Variants in SETD3 observed in about 807,000 individuals in gnomAD.
SETD3 encodes SET domain containing 3, actin N3(tau)-histidine methyltransferase, also known as actin-histidine N-methyltransferase.
A neutral mutation model predicts 63.0 loss-of-function variants in SETD3; 19 were observed. The observed-to-expected ratio is 0.30, with a 90% confidence interval of 0.21 to 0.44. The LOEUF is 0.44. Ranked by LOEUF, SETD3 falls within the 20% of genes least tolerant of loss-of-function variation. The pLI, the probability that SETD3 is intolerant of heterozygous loss-of-function variation, is 1.00. For missense variants in SETD3, 587 were observed against 728.5 expected (o/e 0.81, Z 2.24); for synonymous variants, 286 against 264.1 (o/e 1.08, Z -0.80).
At chr14:99,441,504 G>A (rs1318376055) in intron 6 of SETD3, among the ~76,000 whole-genome samples, 1 of 152,232 alleles carries the variant, frequency 6.6e-6, no homozygotes, top group African/African-American at 2.4e-5. Flanking sequence ...AAACACAAAA[G>A]CAATCACAGG....
At chr14:99,475,186 T>C (rs1455529676) in intron 1 of SETD3, among the ~76,000 whole-genome samples, 1 of 152,210 alleles carries the variant, frequency 6.6e-6, no homozygotes, top group African/African-American at 2.4e-5. Flanking sequence ...TTCCTTAACA[T>C]GAGGATTCTG....
chr14:99,412,720 A>G (rs545591091), intron 8 of SETD3: 41 of 427,110 alleles, frequency 9.6e-5, no homozygotes, highest in African/African-American at 7.1e-4. Context: ...GCTTTTGAAA[A>G]TGGTATAAGA....
chr14:99,441,329 G>A (rs375597535), intron 6 of SETD3, among the ~76,000 whole-genome samples: 5 of 152,208 alleles, frequency 3.3e-5, no homozygotes, highest in East Asian at 1.9e-4. Context: ...CTGGCCACAC[G>A]TGACTTACAC....
At chr14:99,471,943 T>C (rs905861204) in intron 1 of SETD3, among the ~76,000 whole-genome samples, 7 of 152,126 alleles carry the variant, frequency 4.6e-5, no homozygotes, top group Non-Finnish European at 8.8e-5. Context: ...CCACAGCCAG[T>C]TGTCAGGAGG....
chr14:99,414,215 C>T (rs1019660256), intron 6 of SETD3, among the ~76,000 whole-genome samples: 1 of 152,238 alleles, frequency 6.6e-6, no homozygotes, highest in Non-Finnish European at 1.5e-5. Context: ...TAAGGTGGAC[C>T]GACTTTACAA....
At chr14:99,474,848 AAAT>A (rs1233139308) in intron 1 of SETD3, among the ~76,000 whole-genome samples, 17 of 150,696 alleles carry the variant, frequency 1.1e-4, no homozygotes, top group African/African-American at 1.7e-4. Context: ...ATAAATAAAT[AAAT>A]AAGCACAGTT....
intron 6 of SETD3, among the ~76,000 whole-genome samples, chr14:99,444,626 A>C (rs1421147221): frequency 6.6e-6 from 1 of 152,198 alleles, no homozygotes; most frequent in Non-Finnish European, 1.5e-5. Context: ...TGGGAGGCCG[A>C]GGCGGGTGGA....
intron 11 of SETD3, among the ~76,000 whole-genome samples, 164 bp from the exon 12 acceptor site, chr14:99,400,423 A>G (rs933963360): frequency 6.6e-6 from 1 of 152,198 alleles, no homozygotes; most frequent in Non-Finnish European, 1.5e-5. Flanking sequence ...TCCAAAGTAG[A>G]GCAGAGCTAA....
intron 1 of SETD3, among the ~76,000 whole-genome samples, chr14:99,479,781 G>C (rs1038191558): frequency 6.6e-6 from 1 of 152,154 alleles, no homozygotes; most frequent in African/African-American, 2.4e-5. Context: ...AAGTATTTTT[G>C]CTTTTGAAAC....
chr14:99,427,563 C>T (rs1414254365), intron 6 of SETD3, among the ~76,000 whole-genome samples: 1 of 152,090 alleles, frequency 6.6e-6, no homozygotes, highest in Non-Finnish European at 1.5e-5. Context: ...ATAAAGGAGG[C>T]CAAGGCATAA....
At chr14:99,452,318 G>A (rs1328205348) in intron 6 of SETD3, among the ~76,000 whole-genome samples, 1 of 152,182 alleles carries the variant, frequency 6.6e-6, no homozygotes, top group Non-Finnish European at 1.5e-5. Flanking sequence ...TGTTGGCCAG[G>A]CTGGTCTCAA....
At chr14:99,482,856 T>G (rs2139843614), upstream of SETD3, among the ~76,000 whole-genome samples, 1 of 122,484 alleles carries the variant, frequency 8.2e-6, no homozygotes. Flanking sequence ...TTGAAAGCAG[T>G]GACTCTGCTG....
intron 6 of SETD3, among the ~76,000 whole-genome samples, chr14:99,428,621 G>A (rs116194665): frequency 0.022 from 3,378 of 152,218 alleles, 125 homozygotes; most frequent in African/African-American, 0.077. Flanking sequence ...ACTCAGCCTG[G>A]GTGACAGAGT....
intron 6 of SETD3, among the ~76,000 whole-genome samples, chr14:99,436,172 C>T (rs866385070): frequency 6.6e-5 from 10 of 152,102 alleles, no homozygotes; most frequent in South Asian, 2.1e-4. Context: ...TGATCTCTCC[C>T]TTGACACGTG....
In SETD3 at chr14:99,407,330, G is replaced by A. The variant is rs116479889; in HGVS notation, c.850-740C>T. ...CATGGCCTCAGCACACAAGTTACAA[G>A]GAAACCCTCGCGTCTCACCTGGTCA... On this transcript the variant is annotated intron_variant, in intron 8 of 12. Coordinates refer to ENST00000331768, the MANE Select transcript of SETD3 (RefSeq NM_032233.3). 5.8e-3 allele frequency among the ~76,000 whole-genome samples: 880 copies of A among 152,196 alleles called. 9 individuals are homozygous for A. Among genetic ancestry groups the A allele is most frequent in the African/African-American group, 0.02 (844 of 41,526 alleles).
At chr14:99,484,135 C>T (rs1896424962), upstream of SETD3, among the ~76,000 whole-genome samples, 1 of 152,256 alleles carries the variant, frequency 6.6e-6, no homozygotes, top group African/African-American at 2.4e-5. Context: ...TAACATTCCA[C>T]TTAAACAGAA....
chr14:99,398,846 C>G lies in SETD3; in HGVS notation c.1618G>C (p.Glu540Gln). Residue 540 changes from glutamate (E) to glutamine (Q), a missense_variant, in exon 13 of 13, where the codon GAG becomes CAG. By Grantham distance (29) the Glu-to-Gln change is conservative. Transcript: ENST00000331768. The part of the protein sequence containing the change: ...AGVQDALNIR[E>Q]AISKAKATEN... ...GTGGCCTTTGCTTTGCTGATTGCCT[C>G]TCTGATGTTCAAGGCATCCTGCACT... 6.2e-7 allele frequency: 1 copy of G among 1,614,240 alleles called. No individual in the cohort carries two copies. Among genetic ancestry groups the G allele is most frequent in the Middle Eastern group, 1.6e-4 (1 of 6,062 alleles).
At chr14:99,424,467 A>G (rs761983814) in intron 6 of SETD3, among the ~76,000 whole-genome samples, 1 of 152,174 alleles carries the variant, frequency 6.6e-6, no homozygotes, top group Non-Finnish European at 1.5e-5. Flanking sequence ...AAGAACTCTC[A>G]GTGTGGAATG....
intron 2 of SETD3, among the ~76,000 whole-genome samples, chr14:99,463,873 A>T (rs887904870): frequency 1.3e-5 from 2 of 152,220 alleles, no homozygotes; most frequent in Admixed American, 1.3e-4. Flanking sequence ...CTCTTTTTAG[A>T]ATATACTTAC....
Sources: allele counts gnomAD v4.1 joint callset (sites outside exome capture counted in the v4.1 genomes callset), GRCh38; gene constraint gnomAD v4.1.1; transcripts MANE v1.5; gene names NCBI Gene and HGNC (gene_info 2026-07-23, HGNC 2026-07-21).